Variants in BANP observed in about 807,000 individuals in gnomAD.
The protein encoded by BANP is BTG3 associated nuclear protein, also known as protein BANP.
A neutral mutation model predicts 68.1 loss-of-function variants in BANP; 11 were observed. That is an observed-to-expected ratio of 0.16 (90% confidence interval 0.10 to 0.27). BANP has a LOEUF of 0.27. Among genes scored for constraint, BANP ranks in the 10% least tolerant of loss-of-function variants. BANP has a pLI of 1.00. For synonymous variants in BANP, 329 were observed against 303.2 expected (o/e 1.09, Z -0.88); for missense variants, 504 against 722.7 (o/e 0.70, Z 3.47).
chr16:88,071,945 C>A lies in BANP; in HGVS notation c.1378-124C>A, dbSNP rs897781555. The A allele has an allele frequency of 5.4e-6, 7 of 1,304,088 alleles. No individual in the cohort carries two copies. The African/African-American group carries it at 1.0e-4, about 19-fold the overall frequency. 80.8% of individuals were successfully genotyped at this position (1,304,088 alleles called of 1,614,324 possible). On this transcript the variant is annotated intron_variant, in intron 12 of 13. Transcript: ENST00000682872. This position sits in a 1 kb window ranked among gnomAD's most constrained non-coding sequence, Gnocchi z 6.5. The stretch of plus-strand genomic sequence containing the variant: ...AGAGTCCTCGGTGTGGCCCTGAGGC[C>A]GTGTCCCTGCCGCTCAGGGGACAGC...
At chr16:87,991,172 T>G (rs528199526) in intron 4 of BANP, among the ~76,000 whole-genome samples, 1 of 152,360 alleles carries the variant, frequency 6.6e-6, no homozygotes, top group Non-Finnish European at 1.5e-5. Flanking sequence ...ATTATTCACA[T>G]AATCGTATGA....
chr16:88,050,930 G>T (rs566341476), intron 11 of BANP, among the ~76,000 whole-genome samples: 1 of 151,926 alleles, frequency 6.6e-6, no homozygotes, highest in Non-Finnish European at 1.5e-5. Context: ...CAAGCGATCC[G>T]CCTGCCTCAG....
At chr16:87,954,251 A>G (rs748990898) in intron 1 of BANP, among the ~76,000 whole-genome samples, 14 of 152,212 alleles carry the variant, frequency 9.2e-5, no homozygotes, top group Non-Finnish European at 4.4e-5. Context: ...TTTAATGTCC[A>G]AGCATGTATT....
At chr16:88,054,276 TACC>T (rs2084323964) in intron 11 of BANP, among the ~76,000 whole-genome samples, 9 of 27,744 alleles carry the variant, frequency 3.2e-4, no homozygotes, top group South Asian at 1.3e-3. Context: ...CCACCACCTC[TACC>T]ACTGTCATCT....
intron 12 of BANP, among the ~76,000 whole-genome samples, chr16:88,070,282 T>G (rs908030677): frequency 2.0e-5 from 3 of 152,086 alleles, no homozygotes; most frequent in Non-Finnish European, 2.9e-5. Flanking sequence ...CCTTGTGGTG[T>G]TCAAGGGCCA....
intron 1 of BANP, among the ~76,000 whole-genome samples, chr16:87,973,768 A>AAAAAAAAAGAAAG (rs2061546192): frequency 9.5e-6 from 1 of 104,920 alleles, no homozygotes; most frequent in East Asian, 2.4e-4. Context: ...AAAAAAAAAA[A>AAAAAAAAAGAAAG]AAAAAAGAAA....
chr16:88,014,797 T>G (rs939090244), intron 6 of BANP, among the ~76,000 whole-genome samples: 5 of 152,004 alleles, frequency 3.3e-5, no homozygotes, highest in African/African-American at 1.2e-4. Flanking sequence ...GTCCTCTGTT[T>G]GTGATCTCCA....
chr16:87,988,699 G>A (rs771346898), intron 4 of BANP, among the ~76,000 whole-genome samples: 5 of 152,222 alleles, frequency 3.3e-5, no homozygotes, highest in East Asian at 1.9e-4. Flanking sequence ...TGGGGAGTCC[G>A]AGTGTAATCT....
chr16:88,046,617 C>T, intron 11 of BANP, among the ~76,000 whole-genome samples: 1 of 151,926 alleles, frequency 6.6e-6, no homozygotes, highest in Admixed American at 6.5e-5. Context: ...GCCATCTTGG[C>T]TCACTGCAAC....
Position 88,076,778 on chromosome 16 carries a change from T to A in BANP, c.*117T>A. The A allele has an allele frequency of 1.2e-6, 1 of 823,080 alleles. No homozygotes were observed. The highest frequency in any genetic ancestry group is 1.8e-6 in the Non-Finnish European group (1 of 542,462). The allele number at this position is 823,080 out of a possible 1,614,324, so 51.0% of individuals were successfully genotyped here. The stretch of plus-strand genomic sequence containing the variant: ...GCTGCACGTGTTCTGCTGAAGTGCG[T>A]CTGAAGGCCGCTGCCTCCGCGGGGA... On this transcript the variant is annotated 3_prime_UTR_variant, in exon 14 of 14. Transcript: ENST00000682872.
chr16:87,981,221 T>G (rs1243547225), intron 3 of BANP, 94 bp downstream of exon 3: 2 of 934,584 alleles, frequency 2.1e-6, no homozygotes, highest in Non-Finnish European at 3.4e-6. Context: ...CTTCAAAATG[T>G]AGCCTCTCAG....
chr16:88,068,664 G>C (rs544399634), intron 12 of BANP, among the ~76,000 whole-genome samples: 180 of 152,060 alleles, frequency 1.2e-3, no homozygotes, highest in African/African-American at 4.1e-3. Flanking sequence ...CAGGAACGTG[G>C]GTGGCTGCGG....
In BANP at chr16:87,957,513, T is replaced by C. The variant is rs1323883279; in HGVS notation, c.-69+5998T>C. 6.6e-6 allele frequency among the ~76,000 whole-genome samples: 1 copy of C among 152,188 alleles called. No individual in the cohort carries two copies. Among genetic ancestry groups the C allele is most frequent in the East Asian group, 1.9e-4 (1 of 5,198 alleles). On this transcript the variant is annotated intron_variant, in intron 1 of 13. Coordinates refer to ENST00000682872, the MANE Select transcript of BANP (RefSeq NM_001386991.1). This position sits in a 1 kb window ranked among gnomAD's most constrained non-coding sequence, Gnocchi z 4.3. Reference sequence around the variant, plus strand: ...GACCTGGGGCGGTTTTGAGGCAAGCTCACGGAGGCCTGCCGCAGGGCCCTG... The same window carrying C: ...GACCTGGGGCGGTTTTGAGGCAAGCCCACGGAGGCCTGCCGCAGGGCCCTG...
intron 13 of BANP, among the ~76,000 whole-genome samples, chr16:88,072,923 C>T (rs1240303019): frequency 6.6e-6 from 1 of 152,262 alleles, no homozygotes; most frequent in African/African-American, 2.4e-5. Flanking sequence ...TGGTGGTTGG[C>T]TGCTGCCCAG....
At chr16:87,950,027 G>A (rs1394060219), upstream of BANP, among the ~76,000 whole-genome samples, 2 of 152,008 alleles carry the variant, frequency 1.3e-5, no homozygotes, top group Non-Finnish European at 2.9e-5. Context: ...ACAGGCGCCT[G>A]CCACCGCGCC....
intron 11 of BANP, among the ~76,000 whole-genome samples, chr16:88,056,961 A>G (rs1449474716): frequency 1.3e-5 from 2 of 152,248 alleles, no homozygotes; most frequent in African/African-American, 4.8e-5. Context: ...ATCTTTAATC[A>G]TGAAAACATA....
chr16:88,049,229 C>T (rs1482034112), intron 11 of BANP, among the ~76,000 whole-genome samples: 1 of 152,130 alleles, frequency 6.6e-6, no homozygotes, highest in Non-Finnish European at 1.5e-5. Flanking sequence ...GGTTGGGCTT[C>T]CCACGACCCG....
chr16:88,014,953 G>A (rs2152633312), intron 6 of BANP, among the ~76,000 whole-genome samples: 1 of 152,214 alleles, frequency 6.6e-6, no homozygotes, highest in East Asian at 1.9e-4. Flanking sequence ...CAGGCCCTCA[G>A]CTATTCCTGG....
intron 1 of BANP, among the ~76,000 whole-genome samples, chr16:87,972,594 C>T (rs975970433): frequency 6.6e-6 from 1 of 152,042 alleles, no homozygotes; most frequent in Non-Finnish European, 1.5e-5. Context: ...TTTTGCTTTT[C>T]TGAATGCTCA....
Sources: gnomAD v4.1 joint callset for allele counts (sites outside exome capture counted in the v4.1 genomes callset) on GRCh38, gnomAD v4.1.1 for gene constraint, Gnocchi (gnomAD v3.1) non-coding constraint, MANE v1.5 for transcripts, NCBI Gene and HGNC (gene_info 2026-07-23, HGNC 2026-07-21) for gene names.